LOC400499: variants seen among roughly 807,000 people sequenced by gnomAD.
chr16:11,390,185 CA>C, the LOC400499 span: 4 of 1,232,534 alleles, frequency 3.2e-6, no homozygotes, highest in Non-Finnish European at 4.0e-6. Context: ...CAGCCCAAGA[CA>C]GCATCTGTTG....
At chr16:11,407,970 GTTTTTTTTTTTTTTT>G in the LOC400499 span, among the ~76,000 whole-genome samples, 2 of 63,416 alleles carry the variant, frequency 3.2e-5, no homozygotes, top group Non-Finnish European at 5.7e-5. Flanking sequence ...TTCCAGAGCT[GTTTTTTTTTTTTTTT>G]TTTTTTTTTT....
At chr16:11,388,182 G>A in the LOC400499 span, among the ~76,000 whole-genome samples, 1 of 152,102 alleles carries the variant, frequency 6.6e-6, no homozygotes, top group Non-Finnish European at 1.5e-5. Flanking sequence ...CTCCCTCTCT[G>A]CCACCTGAAT....
the LOC400499 span, among the ~76,000 whole-genome samples, chr16:11,511,474 G>GA: frequency 3.3e-5 from 5 of 151,926 alleles, no homozygotes; most frequent in Non-Finnish European, 5.9e-5. Flanking sequence ...GTGAAAATAT[G>GA]AAAAAATTCC....
At chr16:11,384,022 T>C in the LOC400499 span, 728,826 of 1,231,512 alleles carry the variant, frequency 0.59, 218,836 homozygotes, top group African/African-American at 0.75. Context: ...GCAGGATGGA[T>C]GCAAGACTCA....
chr16:11,403,199 G>A, the LOC400499 span, among the ~76,000 whole-genome samples: 5 of 152,148 alleles, frequency 3.3e-5, no homozygotes, highest in African/African-American at 1.2e-4. Context: ...CTGTACAAAG[G>A]GCACCCACCT....
the LOC400499 span, among the ~76,000 whole-genome samples, chr16:11,467,660 G>A: frequency 6.6e-6 from 1 of 152,102 alleles, no homozygotes; most frequent in African/African-American, 2.4e-5. Context: ...ATGACAACTG[G>A]GTTTTCATGC....
chr16:11,422,233 T>A, the LOC400499 span, among the ~76,000 whole-genome samples: 45,389 of 152,068 alleles, frequency 0.3, 7,024 homozygotes, highest in Non-Finnish European at 0.35. Context: ...AAACCCTGTC[T>A]ATACTAAAAA....
the LOC400499 span, among the ~76,000 whole-genome samples, chr16:11,451,894 C>G: frequency 1.4e-4 from 21 of 152,282 alleles, no homozygotes; most frequent in African/African-American, 5.1e-4. Flanking sequence ...AGTCTGGTCC[C>G]TGCCCAGTTG....
At chr16:11,408,748 C>A in the LOC400499 span, among the ~76,000 whole-genome samples, 1 of 152,076 alleles carries the variant, frequency 6.6e-6, no homozygotes, top group Non-Finnish European at 1.5e-5. Flanking sequence ...TGAGTGTGAA[C>A]CACTGCATCC....
chr16:11,419,633 G>T, the LOC400499 span, among the ~76,000 whole-genome samples: 1 of 152,120 alleles, frequency 6.6e-6, no homozygotes, highest in Non-Finnish European at 1.5e-5. Context: ...CTTCTGCACG[G>T]CAAAAGAAAC....
At chr16:11,462,333 A>C in the LOC400499 span, 1 of 1,446,422 alleles carries the variant, frequency 6.9e-7, no homozygotes, top group East Asian at 2.6e-5. Flanking sequence ...ACCTGGGAGG[A>C]CAGGCTTGGC....
chr16:11,462,624 T>C, the LOC400499 span, among the ~76,000 whole-genome samples: 1 of 152,156 alleles, frequency 6.6e-6, no homozygotes, highest in Non-Finnish European at 1.5e-5. Flanking sequence ...AGTTTCACTA[T>C]GTTGGCTAGG....
At chr16:11,500,864 C>G in the LOC400499 span, 1 of 399,062 alleles carries the variant, frequency 2.5e-6, no homozygotes, top group East Asian at 3.6e-5. Flanking sequence ...ATGAGAGCCA[C>G]GCCTCCACCT....
the LOC400499 span, among the ~76,000 whole-genome samples, chr16:11,468,422 C>G: frequency 1.3e-5 from 2 of 152,076 alleles, no homozygotes; most frequent in African/African-American, 4.8e-5. Context: ...CTTCTGGGCT[C>G]CAGCAATCCT....
chr16:11,412,586 T>C, the LOC400499 span, among the ~76,000 whole-genome samples: 1 of 152,230 alleles, frequency 6.6e-6, no homozygotes, highest in South Asian at 2.1e-4. Flanking sequence ...TAGTTATTAA[T>C]AAGTGTTTGG....
chr16:11,436,962 G>C, the LOC400499 span, among the ~76,000 whole-genome samples: 11 of 152,086 alleles, frequency 7.2e-5, no homozygotes, highest in Non-Finnish European at 1.6e-4. Flanking sequence ...GATACACCCA[G>C]ACAATGGAAT....
chr16:11,421,213 C>T, the LOC400499 span, among the ~76,000 whole-genome samples: 5 of 152,142 alleles, frequency 3.3e-5, no homozygotes, highest in African/African-American at 9.7e-5. Context: ...GAGCGCTTCC[C>T]TGCACCCCAG....
the LOC400499 span, among the ~76,000 whole-genome samples, chr16:11,498,635 C>A: frequency 6.6e-6 from 1 of 151,962 alleles, no homozygotes; most frequent in Non-Finnish European, 1.5e-5. Context: ...ATTCCCAGAA[C>A]CTGCCAGGGC....
At chr16:11,412,413 C>T in the LOC400499 span, among the ~76,000 whole-genome samples, 1 of 152,324 alleles carries the variant, frequency 6.6e-6, no homozygotes, top group Admixed American at 6.5e-5. Flanking sequence ...GGGAAACTCG[C>T]CCCTAGGTGA....
Sources: allele counts gnomAD v4.1 joint callset (sites outside exome capture counted in the v4.1 genomes callset), GRCh38; gene constraint gnomAD v4.1.1; transcripts MANE v1.5.